Variants in OR2L13 observed in about 807,000 individuals in gnomAD.
OR2L13 encodes the protein olfactory receptor family 2 subfamily L member 13, also known as olfactory receptor 2L13.
In OR2L13, 14 loss-of-function variants were observed where a neutral mutation model predicts 15.3. The observed-to-expected ratio is 0.91, with a 90% CI of 0.60 to 1.43. The LOEUF (loss-of-function observed/expected upper bound fraction) is 1.43, where lower values mean the gene tolerates loss of function less well. OR2L13 is among the 40% of genes most tolerant of loss of function. The pLI, the probability that OR2L13 is intolerant of heterozygous loss-of-function variation, is 0.00. For synonymous variants in OR2L13, 152 were observed against 142.9 expected (o/e 1.06, Z -0.45); for missense variants, 367 against 387.9 (o/e 0.95, Z 0.45).
the OR2L13 span, among the ~76,000 whole-genome samples, chr1:247,980,693 G>A: frequency 6.6e-6 from 1 of 152,152 alleles, no homozygotes; most frequent in Non-Finnish European, 1.5e-5. Flanking sequence ...ATTCCCCGGT[G>A]AATCCTAGCA....
the OR2L13 span, among the ~76,000 whole-genome samples, chr1:248,027,805 C>T: frequency 6.6e-6 from 1 of 152,102 alleles, no homozygotes; most frequent in Non-Finnish European, 1.5e-5. Context: ...GACTTCACCA[C>T]TCACGCCTCG....
the OR2L13 span, chr1:248,038,047 A>G: frequency 6.6e-5 from 28 of 425,620 alleles, no homozygotes; most frequent in African/African-American, 5.6e-4. Flanking sequence ...GTTCTATTTT[A>G]TTTGTAGTTA....
At chr1:248,038,594 A>C in the OR2L13 span, 1 of 1,614,092 alleles carries the variant, frequency 6.2e-7, no homozygotes, top group Non-Finnish European at 8.5e-7. Context: ...TAGCAGTTGC[A>C]GAAGGGCTGC....
chr1:248,066,582 A>G, the OR2L13 span, among the ~76,000 whole-genome samples: 1 of 152,228 alleles, frequency 6.6e-6, no homozygotes, highest in African/African-American at 2.4e-5. Flanking sequence ...TCAATTTGAC[A>G]TTTGGGACTT....
the OR2L13 span, among the ~76,000 whole-genome samples, chr1:247,995,818 A>G: frequency 1.3e-5 from 2 of 151,996 alleles, no homozygotes; most frequent in Non-Finnish European, 2.9e-5. Context: ...GCTTCTTTAC[A>G]TATCATCTTT....
At chr1:248,075,666 T>C in the OR2L13 span, among the ~76,000 whole-genome samples, 1 of 152,256 alleles carries the variant, frequency 6.6e-6, no homozygotes, top group Admixed American at 6.5e-5. Flanking sequence ...GAGAAGTGTC[T>C]GTTCATATCC....
At chr1:248,028,525 A>T in the OR2L13 span, among the ~76,000 whole-genome samples, 1 of 152,242 alleles carries the variant, frequency 6.6e-6, no homozygotes, top group Non-Finnish European at 1.5e-5. Flanking sequence ...ATTCAAATGG[A>T]CTGAATACAG....
the OR2L13 span, among the ~76,000 whole-genome samples, chr1:248,089,572 A>G: frequency 1.3e-5 from 2 of 152,166 alleles, no homozygotes; most frequent in African/African-American, 4.8e-5. Flanking sequence ...ATAAATGAGC[A>G]ACTTCATAAG....
chr1:248,054,593 T>G, the OR2L13 span, among the ~76,000 whole-genome samples: 9,565 of 152,264 alleles, frequency 0.063, 332 homozygotes, highest in East Asian at 0.11. Context: ...TTTTTCCCTC[T>G]GCTTGTGTCC....
chr1:248,099,398 C>T, exon 3 of OR2L13: 1 of 1,612,124 alleles, frequency 6.2e-7, no homozygotes, highest in Non-Finnish European at 8.5e-7. Flanking sequence ...AATCACACTT[C>T]AAATGATTTC....
chr1:248,066,258 T>C, the OR2L13 span, among the ~76,000 whole-genome samples: 3 of 152,236 alleles, frequency 2.0e-5, no homozygotes, highest in African/African-American at 4.8e-5. Context: ...ATAAAACTTA[T>C]ATGCTTTTCC....
chr1:247,953,921 A>T, the OR2L13 span, among the ~76,000 whole-genome samples: 1 of 117,242 alleles, frequency 8.5e-6, no homozygotes. Flanking sequence ...TATGGTTTCG[A>T]GCCAGTGTCT....
At chr1:248,064,957 ATAG>A in the OR2L13 span, among the ~76,000 whole-genome samples, 2 of 152,228 alleles carry the variant, frequency 1.3e-5, no homozygotes, top group Admixed American at 6.5e-5. Context: ...CCCCACTGAC[ATAG>A]TATCTGTACT....
the OR2L13 span, among the ~76,000 whole-genome samples, chr1:247,998,947 A>T: frequency 6.6e-6 from 1 of 152,172 alleles, no homozygotes. Flanking sequence ...AAGCTTTATT[A>T]TTCAACAGTC....
At chr1:248,068,364 T>C in the OR2L13 span, among the ~76,000 whole-genome samples, 3 of 152,092 alleles carry the variant, frequency 2.0e-5, no homozygotes, top group African/African-American at 7.2e-5. Flanking sequence ...CTGCAGCCAC[T>C]GCTGCTGGTA....
chr1:247,959,499 G>T, the OR2L13 span, among the ~76,000 whole-genome samples: 2 of 151,992 alleles, frequency 1.3e-5, no homozygotes, highest in Non-Finnish European at 2.9e-5. Context: ...TGCCTTGCTA[G>T]ATTGGGAAAG....
At chr1:248,050,780 G>A in the OR2L13 span, among the ~76,000 whole-genome samples, 7 of 151,894 alleles carry the variant, frequency 4.6e-5, no homozygotes, top group East Asian at 1.9e-4. Flanking sequence ...TATAAATTAC[G>A]GAGTATTGGA....
At chr1:247,943,475 GA>G in the OR2L13 span, among the ~76,000 whole-genome samples, 1 of 152,192 alleles carries the variant, frequency 6.6e-6, no homozygotes, top group East Asian at 1.9e-4. Context: ...TGGATACACT[GA>G]AATTGTTGGA....
At chr1:247,963,413 A>G in the OR2L13 span, among the ~76,000 whole-genome samples, 1 of 152,328 alleles carries the variant, frequency 6.6e-6, no homozygotes, top group Non-Finnish European at 1.5e-5. Flanking sequence ...TTTCATTGCC[A>G]TGATGGTTTT....
Sources: gnomAD v4.1 joint callset for allele counts (sites outside exome capture counted in the v4.1 genomes callset) on GRCh38, gnomAD v4.1.1 for gene constraint, MANE v1.5 for transcripts, NCBI Gene and HGNC (gene_info 2026-07-23, HGNC 2026-07-21) for gene names.